The following DYSF variants were observed in gnomAD, a reference collection of about 807,000 sequenced individuals.
DYSF encodes the protein dysferlin, also known as dystrophy-associated fer-1-like 1.
A neutral mutation model predicts 274.9 loss-of-function variants in DYSF; 212 were observed. The ratio of observed to expected loss-of-function variants is 0.77; its 90% confidence interval spans 0.69 to 0.86. The LOEUF (loss-of-function observed/expected upper bound fraction) is 0.86, where lower values mean the gene tolerates loss of function less well. Among genes scored for constraint, DYSF ranks in the 40% least tolerant of loss-of-function variants. The probability of loss-of-function intolerance (pLI) is 0.00; values close to 1 mark genes in which losing one functional copy is unlikely to be tolerated. For synonymous variants in DYSF, 1,091 were observed against 1,078.7 expected, an observed-to-expected ratio of 1.01 and a Z score of -0.22; for missense variants, 2,666 against 2,783.2, an observed-to-expected ratio of 0.96 and a Z score of 0.95.
intron 41 of DYSF, among the ~76,000 whole-genome samples, chr2:71,638,875 A>T (rs1449299772): frequency 1.3e-5 from 2 of 152,190 alleles, no homozygotes; most frequent in African/African-American, 4.8e-5. Flanking sequence ...GCCATATGGC[A>T]ACTCTAACGT....
At chr2:71,570,523 C>T (rs1388033619) in intron 28 of DYSF, 76 bp from the exon 29 acceptor site, 2 of 1,582,206 alleles carry the variant, frequency 1.3e-6, no homozygotes, top group East Asian at 2.3e-5. Flanking sequence ...TGTGACCATG[C>T]CCCAAATTCA....
intron 41 of DYSF, among the ~76,000 whole-genome samples, chr2:71,623,169 G>A (rs1574429148): frequency 1.2e-5 from 1 of 84,218 alleles, no homozygotes; most frequent in South Asian, 4.8e-4. Flanking sequence ...GATTAAATAG[G>A]GACTTATTTT....
chr2:71,611,447 C>T lies in DYSF; in HGVS notation c.4060-18C>T, dbSNP rs2152875134. ...GCCCGGGGCCTTCTGAGCCACTCTC[C>T]TCATTCTGTGTGCTTAGATCCTGGC... On this transcript the variant is annotated intron_variant, in intron 37 of 55. Transcript: ENST00000410020. 1 of 1,614,160 alleles carries T rather than the reference C, an allele frequency of 6.2e-7. No individual in the cohort carries two copies. Among genetic ancestry groups the T allele is most frequent in the Non-Finnish European group, 8.5e-7 (1 of 1,180,038 alleles).
At chr2:71,541,732 A>G (rs1394066764) in intron 17 of DYSF, among the ~76,000 whole-genome samples, 1 of 151,830 alleles carries the variant, frequency 6.6e-6, no homozygotes, top group Non-Finnish European at 1.5e-5. Context: ...CTAAGGTTAT[A>G]TTTAACTCTA....
intron 54 of DYSF, 142 bp from the exon 55 acceptor site, chr2:71,682,388 G>T: frequency 1.0e-6 from 1 of 997,692 alleles, no homozygotes; most frequent in Non-Finnish European, 1.6e-6. Flanking sequence ...GGTGCAAAGG[G>T]CTAGTTTAGG....
chr2:71,622,130 G>GTTTTTCTTTTTTTTTTTTTTT (rs2094118665), intron 41 of DYSF, among the ~76,000 whole-genome samples: 1 of 97,002 alleles, frequency 1.0e-5, no homozygotes, highest in Non-Finnish European at 2.0e-5. Flanking sequence ...TGATTTCTTT[G>GTTTTTCTTTTTTTTTTTTTTT]TTTTTTTTTT....
At position 71,574,307 on chromosome 2, in the gene DYSF, G is replaced by T. The variant is rs917688073; in HGVS notation, c.3338G>T (p.Arg1113Leu). 6.2e-7 allele frequency: 1 copy of T among 1,614,088 alleles called. No homozygotes were observed. The highest frequency in any genetic ancestry group is 8.5e-7 in the Non-Finnish European group (1 of 1,179,998). ...KTDAFRRRRW[R>L]RRMEPLEKTG... is the part of the protein sequence containing the mutation. ...GATGCCTTCCGCCGCCGCCGCTGGC[G>T]CCGTCGCATGGAGCCACTGGAGAAG... Residue 1113 changes from arginine (R) to leucine (L), a missense_variant, in exon 30 of 56, where the codon CGC (arginine) becomes CTC (leucine). Arg to Leu is a moderately radical substitution (Grantham distance 102). Coordinates refer to ENST00000410020, the MANE Select transcript of DYSF (RefSeq NM_001130987.2).
intron 33 of DYSF, 34 bp from the exon 34 acceptor site, chr2:71,600,668 G>T (rs1162906923): frequency 6.2e-7 from 1 of 1,613,826 alleles, no homozygotes; most frequent in Admixed American, 1.7e-5. Context: ...CTGGGTAAGG[G>T]ATGCTGATTC....
intron 36 of DYSF, among the ~76,000 whole-genome samples, chr2:71,606,541 G>T (rs1279201366): frequency 6.6e-6 from 1 of 152,094 alleles, no homozygotes; most frequent in Non-Finnish European, 1.5e-5. Context: ...TGGAGAGGGG[G>T]TGCTGTGCCC....
intron 24 of DYSF, among the ~76,000 whole-genome samples, chr2:71,567,507 T>G (rs1388505886): frequency 6.6e-6 from 1 of 152,246 alleles, no homozygotes; most frequent in East Asian, 1.9e-4. Context: ...ACTGGCCACA[T>G]TTCAAATGCT....
In DYSF at chr2:71,512,164, G is replaced by A. The variant is rs58363669; in HGVS notation, c.460+243G>A. Among the ~76,000 whole-genome samples, 31,559 of 152,152 alleles carry A rather than the reference G, an allele frequency of 0.21. 3,874 individuals carry two copies. The highest frequency in any genetic ancestry group is 0.33 in the African/African-American group (13,817 of 41,480). The stretch of plus-strand genomic sequence containing the variant: ...GGGCGGTGCAGGGAGTAATGTGAGG[G>A]TGCCTCCAAGCCCCAGCTGCCTGGG... On this transcript the variant is annotated intron_variant, in intron 5 of 55. Coordinates refer to ENST00000410020, the MANE Select transcript of DYSF (RefSeq NM_001130987.2).
intron 41 of DYSF, among the ~76,000 whole-genome samples, chr2:71,638,309 A>T (rs1227718423): frequency 1.3e-5 from 2 of 151,072 alleles, no homozygotes; most frequent in Admixed American, 1.3e-4. Context: ...TAGTATATTA[A>T]CAGAGTTGTG....
intron 24 of DYSF, 141 bp downstream of exon 24, chr2:71,564,354 A>G: frequency 8.1e-7 from 1 of 1,236,022 alleles, no homozygotes; most frequent in Non-Finnish European, 1.2e-6. Context: ...GTCTTTGGGT[A>G]AAACAATTTC....
chr2:71,566,374 AAAAG>A (rs2152809092), intron 24 of DYSF, among the ~76,000 whole-genome samples: 1 of 151,846 alleles, frequency 6.6e-6, no homozygotes, highest in African/African-American at 2.4e-5. Context: ...AAAAAAAAAA[AAAAG>A]ATATAGAATT....
intron 40 of DYSF, among the ~76,000 whole-genome samples, chr2:71,619,473 TC>T (rs1428321294): frequency 6.6e-6 from 1 of 152,130 alleles, no homozygotes; most frequent in Non-Finnish European, 1.5e-5. Context: ...GGCTTCACCT[TC>T]CGTGGGTTTC....
At chr2:71,569,998 CAGGGA>C in intron 27 of DYSF, 64 bp downstream of exon 27, 1 of 1,424,804 alleles carries the variant, frequency 7.0e-7, no homozygotes, top group Non-Finnish European at 9.9e-7. Context: ...ACCTGGTGCT[CAGGGA>C]CAGGTGGGGC....
chr2:71,649,968 G>T (rs948613453), intron 42 of DYSF, among the ~76,000 whole-genome samples: 2 of 152,132 alleles, frequency 1.3e-5, no homozygotes, highest in Non-Finnish European at 2.9e-5. Flanking sequence ...GGGTATTCAG[G>T]TTCCTAAAAT....
At position 71,566,243 on chromosome 2, in the gene DYSF, T is replaced by C. The variant is rs554850542; in HGVS notation, c.2566-1708T>C. Among the ~76,000 whole-genome samples the C allele has an allele frequency of 1.2e-3, 182 of 146,200 alleles. 2 individuals are homozygous for C. The highest frequency in any genetic ancestry group is 4.4e-3 in the African/African-American group (173 of 39,016). On this transcript the variant is annotated intron_variant, in intron 24 of 55. Transcript: ENST00000410020. ...GTGGCGGGGGCGGGGCGGGGGGTGC[T>C]GCTGAATTGTGCCTGGTGGACTTGC...
At chr2:71,515,535 C>G in intron 7 of DYSF, 88 bp from the exon 8 acceptor site, 2 of 1,586,134 alleles carry the variant, frequency 1.3e-6, no homozygotes, top group Admixed American at 1.7e-5. Context: ...GTGAGATGGT[C>G]CCTGAGATTT....
Sources: allele counts gnomAD v4.1 joint callset (sites outside exome capture counted in the v4.1 genomes callset), GRCh38; gene constraint gnomAD v4.1.1; transcripts MANE v1.5; gene names NCBI Gene and HGNC (gene_info 2026-07-23, HGNC 2026-07-21).